The following NPEPL1 variants were observed in gnomAD, a reference collection of about 807,000 sequenced individuals.
NPEPL1 encodes probable aminopeptidase NPEPL1.
Under a neutral mutation model 52.4 loss-of-function variants are expected in NPEPL1, and 45 were observed. That is an observed-to-expected ratio of 0.86 (90% CI 0.68 to 1.10). The LOEUF is 1.10. Ranked by LOEUF, NPEPL1 falls within the 50% of genes least tolerant of loss-of-function variation. The pLI is 0.00. For synonymous variants in NPEPL1, 360 were observed against 314.7 expected, an observed-to-expected ratio of 1.14 and a Z score of -1.52; for missense variants, 696 against 710.9, an observed-to-expected ratio of 0.98 and a Z score of 0.24.
intron 6 of NPEPL1, among the ~76,000 whole-genome samples, chr20:58,705,154 A>C (rs1031137924): frequency 1.3e-5 from 2 of 152,252 alleles, no homozygotes; most frequent in African/African-American, 2.4e-5. Flanking sequence ...GGCAATAAAT[A>C]ATGTCAGCTG....
chr20:58,694,528 C>T lies in NPEPL1; in HGVS notation c.443C>T (p.Thr148Met), dbSNP rs749200060. 41 of 1,613,884 alleles carry T rather than the reference C, an allele frequency of 2.5e-5. No individual in the cohort carries two copies. Among genetic ancestry groups the T allele is most frequent in the East Asian group, 6.7e-5 (3 of 44,888 alleles). The change falls in exon 3 of 12, where the codon ACG (threonine) becomes ATG (methionine). Residue 148 changes from threonine (T) to methionine (M), a missense_variant. Coordinates refer to ENST00000356091, the MANE Select transcript of NPEPL1 (RefSeq NM_024663.4). ...GCCTCTCGGCGCTTGGAGAAGAAGA[C>T]GGTCACCGTGGAGTTTTTCCTGGTG... ...SGASRRLEKKTVTVEFFLVGQ... is the reference protein window; with the variant it reads ...SGASRRLEKKMVTVEFFLVGQ...
At chr20:58,711,552 C>T (rs2084843188) in intron 7 of NPEPL1, 1 of 152,376 alleles carries the variant, frequency 6.6e-6, no homozygotes, top group Non-Finnish European at 1.5e-5. Context: ...TGGTGGGGTT[C>T]TTTCCCCTGT....
Position 58,692,920 on chromosome 20 carries a change from A to G in NPEPL1, c.20A>G (p.Gln7Arg). The G allele has an allele frequency of 9.1e-7, 1 of 1,101,776 alleles. No individual in the cohort carries two copies. Among genetic ancestry groups the G allele is most frequent in the Non-Finnish European group, 1.1e-6 (1 of 897,856 alleles). The allele number at this position is 1,101,776 out of a possible 1,614,324, so 68.2% of individuals were successfully genotyped here. MANVGL[Q>R]FQASAGDSDP... The stretch of plus-strand genomic sequence containing the variant: ...AGGAAGATGGCGAACGTGGGGCTGC[A>G]GTTCCAGGCGAGCGCGGGGGACTCG... The change falls in exon 1 of 12, where the codon CAG (glutamine) becomes CGG (arginine). Residue 7 changes from glutamine to arginine, a missense_variant. By Grantham distance (43) the Gln-to-Arg change is conservative. Coordinates refer to ENST00000356091, the MANE Select transcript of NPEPL1 (RefSeq NM_024663.4). The surrounding 1 kb of genome is among the most constrained non-coding windows in gnomAD (Gnocchi z 5.7).
chr20:58,694,452 T>A lies in NPEPL1; in HGVS notation c.367T>A (p.Ser123Thr), dbSNP rs756142705. The change falls in exon 3 of 12, where the codon TCC (serine) becomes ACC (threonine). Residue 123 changes from serine to threonine, a missense_variant. Physicochemically the swap from Ser to Thr is moderately conservative, Grantham distance 58 (BLOSUM62 1). Transcript: ENST00000356091. The part of the protein sequence containing the change: ...MVCEQPEVFA[S>T]ACALARAFPL... ...CTGCGAGCAGCCGGAGGTCTTTGCT[T>A]CCGCCTGTGCCCTGGCCCGGGCCTT... 1.9e-6 allele frequency: 3 copies of A among 1,613,218 alleles called. No individual in the cohort carries two copies. The highest frequency in any genetic ancestry group is 2.5e-6 in the Non-Finnish European group (3 of 1,179,548).
chr20:58,706,436 T>A (rs895811497), intron 6 of NPEPL1, among the ~76,000 whole-genome samples: 1 of 152,088 alleles, frequency 6.6e-6, no homozygotes, highest in African/African-American at 2.4e-5. Context: ...TCTCGTTAGG[T>A]GGTAAAGCCC....
At chr20:58,712,719 G>A (rs1256535021) in intron 8 of NPEPL1, 140 bp downstream of exon 8, 17 of 714,112 alleles carry the variant, frequency 2.4e-5, no homozygotes, top group East Asian at 8.1e-5. Flanking sequence ...CTTGCTTCCC[G>A]GAGGGCTGGG....
chr20:58,700,576 T>C (rs948500609), intron 5 of NPEPL1, among the ~76,000 whole-genome samples: 6 of 152,226 alleles, frequency 3.9e-5, no homozygotes, highest in Admixed American at 6.5e-5. Context: ...AGATGTGTCA[T>C]GTAAACCAAA....
Position 58,693,735 on chromosome 20 carries a change from A to T in NPEPL1, c.151-2A>T. 1 of 1,600,952 alleles carries T rather than the reference A, an allele frequency of 6.2e-7. No homozygotes were observed. The highest frequency in any genetic ancestry group is 8.5e-7 in the Non-Finnish European group (1 of 1,170,278). On this transcript the variant is annotated splice_acceptor_variant, in intron 1 of 11. Coordinates refer to ENST00000356091, the MANE Select transcript of NPEPL1 (RefSeq NM_024663.4). LOFTEE classifies it high-confidence loss of function. The stretch of plus-strand genomic sequence containing the variant: ...GTGTCTTGTCTCTCCCTTCTGATCT[A>T]GCTCTGGCAGGCTGCCCTGAGCACG...
chr20:58,696,476 G>A (rs2084494267), intron 3 of NPEPL1, among the ~76,000 whole-genome samples: 2 of 152,230 alleles, frequency 1.3e-5, no homozygotes, highest in Admixed American at 6.5e-5. Flanking sequence ...CCCAGCACCC[G>A]ACCCCACACA....
At position 58,693,941 on chromosome 20, in the gene NPEPL1, GGCA is replaced by G; in HGVS notation, c.336+22_336+24del. On this transcript the variant is annotated intron_variant, in intron 2 of 11. Coordinates refer to ENST00000356091, the MANE Select transcript of NPEPL1 (RefSeq NM_024663.4). ...CATTGTGGTGAGTGCTTCGAGAGGA[GGCA>G]GCCACGGTGCTCCTAGTCGGGCAGC... The G allele has an allele frequency of 6.5e-7, 1 of 1,540,834 alleles. No homozygotes were observed. The highest frequency in any genetic ancestry group is 8.8e-7 in the Non-Finnish European group (1 of 1,137,928).
rs1403991806 is a variant in NPEPL1, at chr20:58,692,836, G to A, written c.-65G>A. On this transcript the variant is annotated 5_prime_UTR_variant, in exon 1 of 12. Coordinates refer to ENST00000356091, the MANE Select transcript of NPEPL1 (RefSeq NM_024663.4). The surrounding 1 kb of genome is among the most constrained non-coding windows in gnomAD (Gnocchi z 5.7). ...GGTGCCGAGGCCGGGCCGGAGCGGG[G>A]CGAAGGGGGCCGAGCGGCGGGCCGG... 6.5e-5 allele frequency: 64 copies of A among 982,348 alleles called. No homozygotes were observed. Among genetic ancestry groups the A allele is most frequent in the Non-Finnish European group, 7.5e-5 (62 of 828,508 alleles). 60.9% of individuals were successfully genotyped at this position (982,348 alleles called of 1,614,324 possible).
At chr20:58,699,046 T>TG in intron 4 of NPEPL1, 151 bp from the exon 5 acceptor site, 1 of 748,582 alleles carries the variant, frequency 1.3e-6, no homozygotes, top group Non-Finnish European at 2.3e-6. Context: ...CCCCCTCTTC[T>TG]GGGTTTCATC....
Position 58,692,941 on chromosome 20 carries a change from A to G in NPEPL1, c.41A>G (p.Asp14Gly). Reference sequence around the variant, plus strand: ...CTGCAGTTCCAGGCGAGCGCGGGGGACTCGGACCCACAGAGCCGGCCCCTG... The same window carrying G: ...CTGCAGTTCCAGGCGAGCGCGGGGGGCTCGGACCCACAGAGCCGGCCCCTG... ...VGLQFQASAG[D>G]SDPQSRPLLL... The change falls in exon 1 of 12, where the codon GAC (aspartate) becomes GGC (glycine). Residue 14 changes from aspartate (D) to glycine (G), a missense_variant. By Grantham distance (94) the Asp-to-Gly change is moderately conservative. Coordinates refer to ENST00000356091, the MANE Select transcript of NPEPL1 (RefSeq NM_024663.4). This position sits in a 1 kb window ranked among gnomAD's most constrained non-coding sequence, Gnocchi z 5.7. 4 of 1,154,472 alleles carry G rather than the reference A, an allele frequency of 3.5e-6. No homozygotes were observed. Among genetic ancestry groups the G allele is most frequent in the East Asian group, 5.0e-5 (1 of 19,890 alleles). The allele number at this position is 1,154,472 out of a possible 1,614,324, so 71.5% of individuals were successfully genotyped here.
intron 3 of NPEPL1, 89 bp downstream of exon 3, chr20:58,694,681 CG>C (rs1281430587): frequency 3.4e-5 from 46 of 1,361,144 alleles, no homozygotes; most frequent in Non-Finnish European, 4.4e-5. Flanking sequence ...AAGCTTGTTG[CG>C]GGGGCAGGAG....
Position 58,693,860 on chromosome 20 carries a change from G to GC in NPEPL1, c.277dup (p.His93ProfsTer99). On this transcript the variant is annotated frameshift_variant, in exon 2 of 12. Transcript: ENST00000356091. LOFTEE classifies it high-confidence loss of function. ...GAGCCGGCACAACAGCCCCTCGGCC[G>GC]CCCACTTCATCACGCGGCTGGTGCG... 6.2e-7 allele frequency: 1 copy of GC among 1,613,348 alleles called. No individual in the cohort carries two copies. Among genetic ancestry groups the GC allele is most frequent in the Admixed American group, 1.7e-5 (1 of 59,984 alleles).
chr20:58,705,393 A>C, intron 6 of NPEPL1: 1 of 448,154 alleles, frequency 2.2e-6, no homozygotes, highest in Non-Finnish European at 4.5e-6. Context: ...GTCACACGGA[A>C]TATGGAAAAT....
chr20:58,699,340 G>A (rs1014787579), intron 5 of NPEPL1, 62 bp downstream of exon 5: 2 of 1,325,890 alleles, frequency 1.5e-6, no homozygotes, highest in Non-Finnish European at 2.1e-6. Flanking sequence ...GCACTTGGGT[G>A]GCAGGGGGTC....
At chr20:58,709,166 GA>G (rs1258089978) in intron 7 of NPEPL1, among the ~76,000 whole-genome samples, 1 of 151,830 alleles carries the variant, frequency 6.6e-6, no homozygotes, top group African/African-American at 2.4e-5. Flanking sequence ...GGGTGCTGAG[GA>G]CACCCCACCC....
At chr20:58,693,100 C>T (rs2084388139) in intron 1 of NPEPL1, 50 bp downstream of exon 1, 7 of 988,380 alleles carry the variant, frequency 7.1e-6, no homozygotes, top group South Asian at 4.5e-5. Context: ...AAGCCCAGGC[C>T]CGGGCGGCCC....
Sources: allele counts gnomAD v4.1 joint callset (sites outside exome capture counted in the v4.1 genomes callset), GRCh38; gene constraint gnomAD v4.1.1; non-coding constraint Gnocchi (gnomAD v3.1); transcripts MANE v1.5; gene names NCBI Gene and HGNC (gene_info 2026-07-23, HGNC 2026-07-21).